The following LRP5 variants were observed in gnomAD, a reference collection of about 807,000 sequenced individuals.
LRP5 encodes the protein LDL receptor related protein 5, also known as low-density lipoprotein receptor-related protein 5.
A neutral mutation model predicts 154.1 loss-of-function variants in LRP5; 62 were observed. The ratio of observed to expected loss-of-function variants is 0.40; its 90% confidence interval spans 0.33 to 0.50. The LOEUF (loss-of-function observed/expected upper bound fraction) is 0.50, where lower values mean the gene tolerates loss of function less well. LRP5 is among the 20% of genes least tolerant of loss of function. The pLI is 0.55. For missense variants in LRP5, 1,915 were observed against 2,336.7 expected, an observed-to-expected ratio of 0.82 and a Z score of 3.72; for synonymous variants, 966 against 1,011.5, an observed-to-expected ratio of 0.96 and a Z score of 0.85.
At chr11:68,348,700 C>A (rs1395586605) in intron 2 of LRP5, among the ~76,000 whole-genome samples, 1 of 152,228 alleles carries the variant, frequency 6.6e-6, no homozygotes, top group Non-Finnish European at 1.5e-5. Context: ...TCCCAGCACT[C>A]TGGGAGGCCA....
chr11:68,441,369 T>A (rs1322588188), intron 21 of LRP5, among the ~76,000 whole-genome samples: 1 of 152,220 alleles, frequency 6.6e-6, no homozygotes, highest in Non-Finnish European at 1.5e-5. Context: ...TGAGCCACCG[T>A]GCCTGGCCTG....
the LRP5 span, among the ~76,000 whole-genome samples, chr11:68,304,038 G>T: frequency 6.6e-6 from 1 of 152,222 alleles, no homozygotes. Flanking sequence ...CTAAAAAGGA[G>T]CCGACTGCCA....
At position 68,365,585 on chromosome 11, in the gene LRP5, G is replaced by A. The variant is rs1017369426; in HGVS notation, c.898G>A (p.Glu300Lys). Residue 300 changes from glutamate (E) to lysine (K), a missense_variant, in exon 5 of 23, where the codon GAG (glutamate) becomes AAG (lysine). This residue lies in a region of LRP5 where 773 missense variants were observed against 1,100.9 expected (regional missense o/e 0.70). Transcript: ENST00000294304. ...GGTTTTCTCAGTCCACACTCGCTGT[G>A]AGGAGGACAATGGCGGCTGCTCCCA... is the stretch of plus-strand genomic sequence containing the variant. Reference protein sequence around the residue: ...ERQPFFHTRCEEDNGGCSHLC... With the variant: ...ERQPFFHTRCKEDNGGCSHLC... 3 of 1,613,958 alleles carry A rather than the reference G, an allele frequency of 1.9e-6. No individual in the cohort carries two copies. Among genetic ancestry groups the A allele is most frequent in the African/African-American group, 1.3e-5 (1 of 74,902 alleles).
At chr11:68,333,448 C>A (rs952979698) in intron 1 of LRP5, among the ~76,000 whole-genome samples, 1 of 152,162 alleles carries the variant, frequency 6.6e-6, no homozygotes, top group African/African-American at 2.4e-5. Flanking sequence ...ATGGAGGAGA[C>A]CAGCTCACTT....
In LRP5 at chr11:68,386,418, G is replaced by A. The variant is rs757644956; in HGVS notation, c.1118G>A (p.Arg373Gln). ...ATCGTGCTGCAGGTGGACGACATCC[G>A]GCACGCCATTGCCATCGACTACGAC... ...TDIVLQVDDI[R>Q]HAIAIDYDPL... Residue 373 changes from arginine (R) to glutamine (Q), a missense_variant, in exon 6 of 23, where the codon CGG becomes CAG. Transcript: ENST00000294304. The surrounding 1 kb of genome is among the most constrained non-coding windows in gnomAD (Gnocchi z 7.9). 4.3e-6 allele frequency: 7 copies of A among 1,613,998 alleles called. No individual in the cohort carries two copies. The highest frequency in any genetic ancestry group is 3.3e-5 in the Admixed American group (2 of 60,024).
intron 4 of LRP5, among the ~76,000 whole-genome samples, 166 bp from the exon 5 acceptor site, chr11:68,365,405 G>A (rs926203425): frequency 1.3e-5 from 2 of 152,126 alleles, no homozygotes; most frequent in African/African-American, 4.8e-5. Context: ...GATGAGGCAG[G>A]TGGAATGGTG....
intron 3 of LRP5, among the ~76,000 whole-genome samples, chr11:68,360,159 G>A (rs900387069): frequency 5.3e-5 from 8 of 151,662 alleles, no homozygotes; most frequent in Admixed American, 1.3e-4. Flanking sequence ...CCACAGGCAC[G>A]TACCACCACG....
chr11:68,415,358 G>T (rs1022646851), intron 12 of LRP5, among the ~76,000 whole-genome samples: 1 of 152,168 alleles, frequency 6.6e-6, no homozygotes, highest in South Asian at 2.1e-4. Context: ...ATAGCAAACC[G>T]CACACACAGT....
At chr11:68,439,386 T>TG in intron 20 of LRP5, among the ~76,000 whole-genome samples, 2 of 152,292 alleles carry the variant, frequency 1.3e-5, no homozygotes, top group East Asian at 3.9e-4. Flanking sequence ...TGTAACCTGA[T>TG]TCTCTCTGGG....
chr11:68,321,327 C>T (rs950342575), intron 1 of LRP5, among the ~76,000 whole-genome samples: 1 of 152,134 alleles, frequency 6.6e-6, no homozygotes. Context: ...TGTAAATTCC[C>T]ACCTCATTGT....
intron 5 of LRP5, among the ~76,000 whole-genome samples, chr11:68,379,713 G>C (rs903582443): frequency 6.6e-6 from 1 of 152,068 alleles, no homozygotes; most frequent in African/African-American, 2.4e-5. Flanking sequence ...CATTTTTTTA[G>C]AGCAGTTTTA....
Position 68,357,575 on chromosome 11 carries a change from A to G in LRP5, c.489-75A>G, listed in dbSNP as rs574593752. ...GGGCAAGTTCACTGTCTGTTGTTTCATGTCTGCATCTATGCAGACAAAAAC... is the reference window on the plus strand; with the variant it reads ...GGGCAAGTTCACTGTCTGTTGTTTCGTGTCTGCATCTATGCAGACAAAAAC... On this transcript the variant is annotated intron_variant, in intron 2 of 22. Transcript: ENST00000294304. The G allele has an allele frequency of 7.6e-6, 10 of 1,320,304 alleles. No homozygotes were observed. The South Asian group carries it at 1.2e-4, about 16-fold the overall frequency. 81.8% of individuals were successfully genotyped at this position (1,320,304 alleles called of 1,614,324 possible). A position where few individuals can be genotyped will look rare whatever the true frequency, so the allele number is the denominator to read the frequency against.
chr11:68,414,349 AAGCCTGG>A (rs1465592665), intron 12 of LRP5, among the ~76,000 whole-genome samples: 2 of 152,188 alleles, frequency 1.3e-5, no homozygotes, highest in Non-Finnish European at 2.9e-5. Context: ...TTTACTCCTC[AAGCCTGG>A]AGGGTGGGGA....
chr11:68,427,936 C>T (rs919744716), intron 16 of LRP5, among the ~76,000 whole-genome samples: 4 of 148,576 alleles, frequency 2.7e-5, no homozygotes, highest in African/African-American at 1.0e-4. Flanking sequence ...GGGACTTGGT[C>T]CATTTGCTAT....
Position 68,363,710 on chromosome 11 carries a change from T to G in LRP5, c.687-37T>G, listed in dbSNP as rs114306404. The G allele has an allele frequency of 3.0e-3, 4,626 of 1,548,928 alleles. 107 individuals carry two copies. The African/African-American group carries it at 0.053, about 18-fold the overall frequency. On this transcript the variant is annotated intron_variant, in intron 3 of 22. Coordinates refer to ENST00000294304, the MANE Select transcript of LRP5 (RefSeq NM_002335.4). ...AGCAGCAATGACTGTCGGGGGACCC[T>G]CCTGATGGCTCCTCCACCCCGCTTC...
intron 5 of LRP5, among the ~76,000 whole-genome samples, chr11:68,380,539 G>A (rs191898312): frequency 1.3e-5 from 2 of 152,328 alleles, no homozygotes; most frequent in Non-Finnish European, 1.5e-5. Context: ...ATTTGAGCGC[G>A]TTTCCTTCCC....
intron 1 of LRP5, among the ~76,000 whole-genome samples, chr11:68,314,950 G>A (rs558670332): frequency 3.9e-5 from 6 of 152,330 alleles, no homozygotes; most frequent in African/African-American, 7.2e-5. Flanking sequence ...GCTTCCTGTC[G>A]TTTTTGGAAC....
chr11:68,322,298 C>T (rs1339526101), intron 1 of LRP5, among the ~76,000 whole-genome samples: 1 of 152,216 alleles, frequency 6.6e-6, no homozygotes, highest in Admixed American at 6.5e-5. Context: ...CCCTGCGGTG[C>T]ATATTCAGTG....
At chr11:68,401,209 G>A (rs1333028661) in intron 7 of LRP5, among the ~76,000 whole-genome samples, 1 of 152,162 alleles carries the variant, frequency 6.6e-6, no homozygotes, top group East Asian at 1.9e-4. Context: ...GTCACACACA[G>A]GTGTGTGCAT....
Sources: allele counts gnomAD v4.1 joint callset (sites outside exome capture counted in the v4.1 genomes callset), GRCh38; gene constraint gnomAD v4.1.1; regional missense constraint gnomAD v4.1.1; non-coding constraint Gnocchi (gnomAD v3.1); transcripts MANE v1.5; gene names NCBI Gene and HGNC (gene_info 2026-07-23, HGNC 2026-07-21).